Variants in RUFY2 observed in about 807,000 individuals in gnomAD.
The protein encoded by RUFY2 is RUN and FYVE domain containing 2.
Under a neutral mutation model 94.4 loss-of-function variants are expected in RUFY2, and 49 were observed. The observed-to-expected ratio is 0.52, with a 90% CI of 0.41 to 0.66. RUFY2 has a LOEUF of 0.66. Ranked by LOEUF, RUFY2 falls within the 30% of genes least tolerant of loss-of-function variation. The pLI is 0.00. For missense variants in RUFY2, 541 were observed against 692.8 expected (o/e 0.78, Z 2.46); for synonymous variants, 255 against 235.7 (o/e 1.08, Z -0.75).
rs1018053208 is a variant in RUFY2, at chr10:68,407,225, C to T, written c.-36G>A. 4 of 1,381,692 alleles carry T rather than the reference C, an allele frequency of 2.9e-6. No homozygotes were observed. Among genetic ancestry groups the T allele is most frequent in the South Asian group, 3.3e-5 (2 of 60,708 alleles). The allele number at this position is 1,381,692 out of a possible 1,614,324, so 85.6% of individuals were successfully genotyped here. On this transcript the variant is annotated 5_prime_UTR_variant, in exon 1 of 18. Transcript: ENST00000602465. ...GCTGCGCGGTCTCGGGCGGAGGCTCCCTCGGCCTGTCCAGCAGCTCCTTCC... is the reference window on the plus strand; with the variant it reads ...GCTGCGCGGTCTCGGGCGGAGGCTCTCTCGGCCTGTCCAGCAGCTCCTTCC...
At chr10:68,341,629 G>A (rs150055889), downstream of RUFY2, 42 of 1,613,594 alleles carry the variant, frequency 2.6e-5, no homozygotes, top group African/African-American at 2.9e-4. Context: ...TCCTGGAGGC[G>A]GCTCTGGCAT....
chr10:68,352,117 C>G (rs1304991692), intron 16 of RUFY2, among the ~76,000 whole-genome samples: 1 of 151,560 alleles, frequency 6.6e-6, no homozygotes, highest in Non-Finnish European at 1.5e-5. Flanking sequence ...TACGCAAATT[C>G]TTTTCTTTCT....
chr10:68,382,722 A>G (rs1047754176), intron 10 of RUFY2, among the ~76,000 whole-genome samples: 6 of 133,354 alleles, frequency 4.5e-5, no homozygotes, highest in African/African-American at 1.4e-4. Context: ...TCAAAAAAAA[A>G]AAAAAAGAAA....
intron 10 of RUFY2, among the ~76,000 whole-genome samples, chr10:68,382,189 C>T (rs1372756190): frequency 6.6e-6 from 1 of 151,362 alleles, no homozygotes; most frequent in East Asian, 2.0e-4. Context: ...GGTGGGACCA[C>T]AGGGGTCTGC....
intron 13 of RUFY2, among the ~76,000 whole-genome samples, chr10:68,376,489 T>TATATATATC (rs58358117): frequency 7.7e-5 from 4 of 51,798 alleles, no homozygotes; most frequent in Non-Finnish European, 1.2e-4. Context: ...TATATATATA[T>TATATATATC]ATTCTCAGAA....
chr10:68,343,416 A>AAGTT lies in RUFY2; in HGVS notation c.*2348_*2351dup, dbSNP rs1354083506. Reference sequence around the variant, plus strand: ...GGCATACACCACCTGTCTTTTTTGAAAGTTGTATGTGTTTTATTTTCCCAG... The same window carrying AAGTT: ...GGCATACACCACCTGTCTTTTTTGAAAGTTAGTTGTATGTGTTTTATTTTCCCAG... On this transcript the variant is annotated 3_prime_UTR_variant, in exon 18 of 18. Transcript: ENST00000602465. 2 of 152,544 alleles carry AAGTT rather than the reference A, an allele frequency of 1.3e-5. No individual in the cohort carries two copies. 9.4% of individuals were successfully genotyped at this position (152,544 alleles called of 1,614,324 possible). A position where few individuals can be genotyped will look rare whatever the true frequency, so the allele number is the denominator to read the frequency against.
At chr10:68,364,250 A>C in intron 13 of RUFY2, 137 bp from the exon 14 acceptor site, 2 of 833,558 alleles carry the variant, frequency 2.4e-6, no homozygotes, top group Non-Finnish European at 3.5e-6. Flanking sequence ...TCTTTCACAA[A>C]TATTTTTCAG....
chr10:68,366,757 T>A (rs1361981268), intron 13 of RUFY2, among the ~76,000 whole-genome samples: 6 of 135,518 alleles, frequency 4.4e-5, no homozygotes, highest in African/African-American at 1.6e-4. Context: ...TATATATATA[T>A]ATAATATTAA....
At position 68,345,153 on chromosome 10, in the gene RUFY2, CTTTAA is replaced by C. The variant is rs532804240; in HGVS notation, c.*610_*614del. The C allele has an allele frequency of 1.9e-3, 296 of 153,880 alleles. 2 individuals carry two copies. The highest frequency in any genetic ancestry group is 3.5e-3 in the Non-Finnish European group (240 of 69,210). 9.5% of individuals were successfully genotyped at this position (153,880 alleles called of 1,614,324 possible). ...AGAGGCCGAGGCCAAATAATGCCCC[CTTTAA>C]TTTAATCCACTGTAGCTGAAAATCT... is the stretch of plus-strand genomic sequence containing the variant. On this transcript the variant is annotated 3_prime_UTR_variant, in exon 18 of 18. Transcript: ENST00000602465.
At chr10:68,341,194 A>C (rs776610586), downstream of RUFY2, 2 of 1,582,042 alleles carry the variant, frequency 1.3e-6, no homozygotes, top group African/African-American at 2.7e-5. Flanking sequence ...CACTAAATCC[A>C]ATACGAGTTC....
At chr10:68,378,371 C>A (rs1039625027) in intron 12 of RUFY2, 2 of 1,229,730 alleles carry the variant, frequency 1.6e-6, no homozygotes, top group Non-Finnish European at 2.0e-6. Context: ...GTTTGAGGAA[C>A]GTATGTCTGG....
intron 15 of RUFY2, among the ~76,000 whole-genome samples, chr10:68,361,078 T>G (rs1435041801): frequency 6.6e-6 from 1 of 151,858 alleles, no homozygotes; most frequent in Non-Finnish European, 1.5e-5. Context: ...GGTCAGGAGT[T>G]CAAGACTAGA....
chr10:68,400,308 T>C (rs1350999549), intron 3 of RUFY2, among the ~76,000 whole-genome samples: 2 of 151,786 alleles, frequency 1.3e-5, no homozygotes, highest in African/African-American at 2.4e-5. Flanking sequence ...AGGGTGAGAC[T>C]GTCCGTCTCA....
downstream of RUFY2, chr10:68,342,305 C>T (rs1352756585): frequency 8.0e-6 from 3 of 374,540 alleles, no homozygotes; most frequent in Non-Finnish European, 1.4e-5. Context: ...ATACTAGTTA[C>T]TCCTAAAGAT....
At position 68,365,802 on chromosome 10, in the gene RUFY2, G is replaced by A. The variant is rs191085558; in HGVS notation, c.1326-1689C>T. Among the ~76,000 whole-genome samples the A allele has an allele frequency of 6.2e-3, 945 of 152,160 alleles. 6 individuals are homozygous for A. The highest frequency in any genetic ancestry group is 0.011 in the Non-Finnish European group (716 of 68,000). Reference sequence around the variant, plus strand: ...CACTCAGTCAGAGTTTCCAAGAACCGTTGATGCCATTAAGTGAGGACTTAC... The same window carrying A: ...CACTCAGTCAGAGTTTCCAAGAACCATTGATGCCATTAAGTGAGGACTTAC... On this transcript the variant is annotated intron_variant, in intron 13 of 17. Coordinates refer to ENST00000602465, the MANE Select transcript of RUFY2 (RefSeq NM_001330103.2).
intron 2 of RUFY2, among the ~76,000 whole-genome samples, chr10:68,402,804 A>G (rs1408152378): frequency 6.7e-6 from 1 of 148,212 alleles, no homozygotes; most frequent in African/African-American, 2.5e-5. Context: ...TCTGATACAG[A>G]TGTCTATGTA....
intron 9 of RUFY2, 55 bp downstream of exon 9, chr10:68,383,996 C>T (rs1377418178): frequency 6.3e-7 from 1 of 1,584,824 alleles, no homozygotes; most frequent in African/African-American, 1.3e-5. Context: ...CAAAAATCCC[C>T]AAAAATGGTA....
At chr10:68,403,615 C>T (rs982180734) in intron 2 of RUFY2, among the ~76,000 whole-genome samples, 7 of 152,056 alleles carry the variant, frequency 4.6e-5, no homozygotes, top group Admixed American at 3.3e-4. Flanking sequence ...TGTTTATGTA[C>T]AAAAAGAGTA....
chr10:68,363,565 T>C (rs2047606151), intron 15 of RUFY2, 25 bp downstream of exon 15: 3 of 1,449,872 alleles, frequency 2.1e-6, no homozygotes, highest in East Asian at 4.6e-5. Context: ...TAATGACTAC[T>C]TAGTTGAAGG....
Sources: allele counts gnomAD v4.1 joint callset (sites outside exome capture counted in the v4.1 genomes callset), GRCh38; gene constraint gnomAD v4.1.1; transcripts MANE v1.5; gene names NCBI Gene and HGNC (gene_info 2026-07-23, HGNC 2026-07-21).